Variants in DUSP22 observed in about 807,000 individuals in gnomAD.
The protein encoded by DUSP22 is dual specificity protein phosphatase 22.
Under a neutral mutation model 24.5 loss-of-function variants are expected in DUSP22, and 24 were observed. The ratio of observed to expected loss-of-function variants is 0.98; its 90% CI spans 0.71 to 1.38. The LOEUF (loss-of-function observed/expected upper bound fraction) is 1.38, where lower values mean the gene tolerates loss of function less well. Ranked by LOEUF, DUSP22 falls within the 40% of genes most tolerant of loss-of-function variation. The pLI is 0.00. For missense variants in DUSP22, 330 were observed against 269.2 expected, an observed-to-expected ratio of 1.23 and a Z score of -1.58; for synonymous variants, 160 against 106.4, an observed-to-expected ratio of 1.50 and a Z score of -3.10.
At chr6:312,038 C>A in intron 3 of DUSP22, 76 bp downstream of exon 3, 1 of 1,443,442 alleles carries the variant, frequency 6.9e-7, no homozygotes, top group Non-Finnish European at 9.5e-7. Context: ...TTAATGAAGG[C>A]AACCAGGTTC....
At chr6:301,217 A>G (rs1010913399) in intron 1 of DUSP22, among the ~76,000 whole-genome samples, 5 of 152,272 alleles carry the variant, frequency 3.3e-5, no homozygotes, top group South Asian at 2.1e-4. Context: ...AATAAGATAA[A>G]TGGCCATTAC....
At chr6:306,717 C>A (rs888899754) in intron 2 of DUSP22, among the ~76,000 whole-genome samples, 59 of 152,296 alleles carry the variant, frequency 3.9e-4, no homozygotes, top group African/African-American at 1.4e-3. Flanking sequence ...GCTGTGAATT[C>A]ACTTGTTCAT....
chr6:342,666 G>T (rs1157484417), intron 4 of DUSP22, among the ~76,000 whole-genome samples: 6 of 152,308 alleles, frequency 3.9e-5, no homozygotes, highest in African/African-American at 1.2e-4. Flanking sequence ...GCATTCTAAG[G>T]GAGAGAGACA....
chr6:346,635 G>A (rs1410921728), intron 5 of DUSP22, among the ~76,000 whole-genome samples: 2 of 152,304 alleles, frequency 1.3e-5, no homozygotes, highest in African/African-American at 4.8e-5. Flanking sequence ...CAAAATTCAG[G>A]AGCCAAGGCT....
At chr6:322,982 A>G (rs1382644847) in intron 3 of DUSP22, among the ~76,000 whole-genome samples, 1 of 152,296 alleles carries the variant, frequency 6.6e-6, no homozygotes, top group African/African-American at 2.4e-5. Context: ...TTTACCAAAG[A>G]CTGGTTTAAG....
intron 3 of DUSP22, among the ~76,000 whole-genome samples, chr6:329,978 C>T (rs551032673): frequency 8.7e-3 from 1,321 of 151,644 alleles, no homozygotes; most frequent in African/African-American, 0.03. Flanking sequence ...CTTGAGAGTT[C>T]GCTGGCTGGT....
intron 3 of DUSP22, among the ~76,000 whole-genome samples, chr6:329,612 C>G (rs1282374820): frequency 1.3e-5 from 2 of 152,298 alleles, no homozygotes; most frequent in Non-Finnish European, 2.9e-5. Flanking sequence ...GCCACCACGC[C>G]TGGCTAATTT....
At chr6:300,992 C>A (rs752019634) in intron 1 of DUSP22, among the ~76,000 whole-genome samples, 2 of 152,420 alleles carry the variant, frequency 1.3e-5, no homozygotes, top group South Asian at 2.1e-4. Context: ...AGCCCTGCTG[C>A]CTCTGTTGCC....
At chr6:310,434 A>G (rs1314145226) in intron 2 of DUSP22, among the ~76,000 whole-genome samples, 1 of 152,296 alleles carries the variant, frequency 6.6e-6, no homozygotes, top group Non-Finnish European at 1.5e-5. Flanking sequence ...TTTTGCAGGT[A>G]GGGACATTGG....
chr6:341,966 A>G (rs1361793792), intron 4 of DUSP22, among the ~76,000 whole-genome samples: 5 of 58,506 alleles, frequency 8.5e-5, no homozygotes, highest in Non-Finnish European at 1.7e-4. Context: ...ACCCCACAAT[A>G]TGTAAGAAGC....
chr6:306,428 C>G (rs1202218173), intron 2 of DUSP22, among the ~76,000 whole-genome samples: 1 of 152,420 alleles, frequency 6.6e-6, no homozygotes, highest in East Asian at 1.9e-4. Context: ...TCTAAATATT[C>G]AATAACATAG....
chr6:308,305 C>G (rs1354865142), intron 2 of DUSP22, among the ~76,000 whole-genome samples: 5 of 152,306 alleles, frequency 3.3e-5, no homozygotes, highest in African/African-American at 1.2e-4. Context: ...TTGAGCCTTA[C>G]AGCTGGATTC....
intron 1 of DUSP22, 52 bp from the exon 2 acceptor site, chr6:304,576 A>T: frequency 1.2e-6 from 2 of 1,613,666 alleles, no homozygotes; most frequent in Non-Finnish European, 1.7e-6. Context: ...CTTCTGCAAT[A>T]CCATCCACTT....
At chr6:318,952 A>G (rs1400216005) in intron 3 of DUSP22, among the ~76,000 whole-genome samples, 2 of 152,306 alleles carry the variant, frequency 1.3e-5, no homozygotes, top group African/African-American at 4.8e-5. Flanking sequence ...GATGATACCC[A>G]TCATATAATC....
intron 4 of DUSP22, among the ~76,000 whole-genome samples, chr6:344,237 TAGA>T (rs1759752189): frequency 1.3e-5 from 2 of 150,488 alleles, no homozygotes; most frequent in Non-Finnish European, 2.9e-5. Flanking sequence ...ACTAAAGAGT[TAGA>T]AGAAGAAAGG....
At chr6:342,077 T>A (rs914723912) in intron 4 of DUSP22, among the ~76,000 whole-genome samples, 20 of 152,294 alleles carry the variant, frequency 1.3e-4, no homozygotes, top group Admixed American at 9.8e-4. Context: ...TCAGTTGTCA[T>A]CTTTACAAGA....
chr6:320,518 C>T (rs1758537749), intron 3 of DUSP22, among the ~76,000 whole-genome samples: 1 of 152,310 alleles, frequency 6.6e-6, no homozygotes, highest in Non-Finnish European at 1.5e-5. Flanking sequence ...CGTGTTCGGA[C>T]TGAGTGTAGT....
At chr6:331,047 T>C (rs1218444503) in intron 3 of DUSP22, among the ~76,000 whole-genome samples, 5 of 152,310 alleles carry the variant, frequency 3.3e-5, no homozygotes, top group Non-Finnish European at 7.3e-5. Context: ...CCATCATCGC[T>C]GCTCTTTCTT....
At chr6:302,861 G>A (rs1053826189) in intron 1 of DUSP22, among the ~76,000 whole-genome samples, 12 of 152,424 alleles carry the variant, frequency 7.9e-5, no homozygotes, top group South Asian at 6.2e-4. Context: ...GAAAGCCAAG[G>A]GCAGGGTGAG....
Sources: gnomAD v4.1 joint callset for allele counts (sites outside exome capture counted in the v4.1 genomes callset) on GRCh38, gnomAD v4.1.1 for gene constraint, MANE v1.5 for transcripts, NCBI Gene and HGNC (gene_info 2026-07-23, HGNC 2026-07-21) for gene names.